Variants in LENG8 observed in about 807,000 individuals in gnomAD.
LENG8 encodes leukocyte receptor cluster member 8.
Under a neutral mutation model 102.1 loss-of-function variants are expected in LENG8, and 28 were observed. The ratio of observed to expected loss-of-function variants is 0.27; its 90% CI spans 0.20 to 0.38. The LOEUF is 0.38. LENG8 is among the 10% of genes least tolerant of loss of function. LENG8 has a pLI of 1.00. For synonymous variants in LENG8, 531 were observed against 456.7 expected (o/e 1.16, Z -2.07); for missense variants, 1,022 against 1,113.9 (o/e 0.92, Z 1.17).
chr19:54,459,045 T>C (rs996861491), intron 15 of LENG8: 19 of 1,432,390 alleles, frequency 1.3e-5, no homozygotes, highest in African/African-American at 5.7e-5. Context: ...GGTCAGGCCA[T>C]GCCCCTGCAG....
intron 15 of LENG8, 139 bp downstream of exon 15, chr19:54,458,660 C>G (rs765156730): frequency 1.1e-5 from 17 of 1,552,932 alleles, no homozygotes; most frequent in South Asian, 2.4e-5. Flanking sequence ...TCATCTTTCT[C>G]CATTCAGCCC....
At chr19:54,453,387 C>G (rs2084050308) in intron 4 of LENG8, among the ~76,000 whole-genome samples, 159 bp from the exon 5 acceptor site, 1 of 152,068 alleles carries the variant, frequency 6.6e-6, no homozygotes, top group Admixed American at 6.6e-5. Flanking sequence ...AGAGGTTTTT[C>G]TTTTCCTAAT....
chr19:54,458,743 A>C, intron 15 of LENG8: 1 of 1,550,188 alleles, frequency 6.5e-7, no homozygotes, highest in Non-Finnish European at 8.7e-7. Flanking sequence ...CCCTCTCCCC[A>C]CTGTTCCCAG....
At chr19:54,460,106 TC>T in intron 15 of LENG8, 1 of 1,289,802 alleles carries the variant, frequency 7.8e-7, no homozygotes, top group Non-Finnish European at 1.0e-6. Context: ...TGGGCTCTGA[TC>T]CCAGGGCTTC....
intron 7 of LENG8, 99 bp downstream of exon 7, chr19:54,455,191 G>A (rs1032089273): frequency 6.4e-6 from 10 of 1,558,548 alleles, no homozygotes; most frequent in African/African-American, 5.4e-5. Context: ...GCCTCAGTGT[G>A]CGCCTCTGAA....
rs1433121990 is a variant in LENG8 at position 54,449,209 on chromosome 19, AAAG to A, written c.-152_-150del. The A allele has an allele frequency of 2.6e-5, 4 of 152,426 alleles. No individual in the cohort carries two copies. The highest frequency in any genetic ancestry group is 5.9e-5 in the Non-Finnish European group (4 of 68,210). 9.4% of individuals were successfully genotyped at this position (152,426 alleles called of 1,614,324 possible). A position where few individuals can be genotyped will look rare whatever the true frequency, so the allele number is the denominator to read the frequency against. On this transcript the variant is annotated 5_prime_UTR_variant, in exon 1 of 16. Transcript: ENST00000326764. ...ACGCCGCGGTCAGGACGTCGAAGCC[AAAG>A]AAGACCAGAGCCAGCCGGGTGGCAC... is the stretch of plus-strand genomic sequence containing the variant.
chr19:54,460,870 G>C lies in LENG8; in HGVS notation c.2345G>C (p.Gly782Ala). 6.4e-7 allele frequency: 1 copy of C among 1,562,374 alleles called. No individual in the cohort carries two copies. The change falls in exon 16 of 16, where the codon GGC becomes GCC. Residue 782 changes from glycine to alanine, a missense_variant. Gly to Ala is a moderately conservative substitution (Grantham distance 60). Transcript: ENST00000326764. ...GAGCCCCTGGGCCTGGCCTACACGG[G>C]CCCGGACAACTCCAGCATCGACTGC... ...FLEPLGLAYT[G>A]PDNSSIDCRL...
rs1409654462 is a variant in LENG8 at position 54,461,112 on chromosome 19, A to T, written c.*184A>T. The T allele has an allele frequency of 1.1e-5, 10 of 946,254 alleles. No individual in the cohort carries two copies. The highest frequency in any genetic ancestry group is 1.6e-5 in the Non-Finnish European group (10 of 619,866). 58.6% of individuals were successfully genotyped at this position (946,254 alleles called of 1,614,324 possible). On this transcript the variant is annotated 3_prime_UTR_variant, in exon 16 of 16. Transcript: ENST00000326764. ...TGTACAGAGATTTTTCTACGTTTTT[A>T]TTTTTTGCCTCAGAGGGATGGGATT...
intron 12 of LENG8, 39 bp downstream of exon 12, chr19:54,457,887 C>A (rs1599997935): frequency 6.2e-7 from 1 of 1,613,498 alleles, no homozygotes; most frequent in East Asian, 2.2e-5. Context: ...CTCAGCCAGT[C>A]CTGCCTCCCG....
rs1434562265 is a variant in LENG8 at position 54,454,431 on chromosome 19, C to A, written c.428C>A (p.Pro143His). 1 of 1,603,306 alleles carries A rather than the reference C, an allele frequency of 6.2e-7. No individual in the cohort carries two copies. The highest frequency in any genetic ancestry group is 8.5e-7 in the Non-Finnish European group (1 of 1,174,116). The change falls in exon 6 of 16, where the codon CCC becomes CAC. Residue 143 changes from proline to histidine, a missense_variant and splice_region_variant. Coordinates refer to ENST00000326764, the MANE Select transcript of LENG8 (RefSeq NM_052925.4). ...CTCAGCGCCTGCTTCCTTCTGCAGC[C>A]CCCAGTCCCCGGCATGGATGAGAGC... Reference protein sequence around the residue: ...APQHQGTLNQPPVPGMDESMS... With the variant: ...APQHQGTLNQHPVPGMDESMS...
In LENG8 at chr19:54,461,745, T is replaced by C; in HGVS notation, c.*817T>C. 1.9e-6 allele frequency: 1 copy of C among 530,652 alleles called. No individual in the cohort carries two copies. Among genetic ancestry groups the C allele is most frequent in the Non-Finnish European group, 3.7e-6 (1 of 266,708 alleles). The allele number at this position is 530,652 out of a possible 1,614,324, so 32.9% of individuals were successfully genotyped here. On this transcript the variant is annotated 3_prime_UTR_variant, in exon 16 of 16. Coordinates refer to ENST00000326764, the MANE Select transcript of LENG8 (RefSeq NM_052925.4). The stretch of plus-strand genomic sequence containing the variant: ...GCTCACGTCATGTTGCCTTCTCTTT[T>C]CTTTGTGTGTGTGTTTATTTAAGTT...
At position 54,455,566 on chromosome 19, in the gene LENG8, G is replaced by A. The variant is rs1353294184; in HGVS notation, c.1024G>A (p.Gly342Arg). ...TGACTGGAGCCGGGAGCCCTTGCCG[G>A]GGTTAGTCTGGGTGGGGGACATAGG... The part of the protein sequence containing the change: ...TIDWSREPLP[G>R]LTREPVAESP... The change falls in exon 8 of 16, where the codon GGG (glycine) becomes AGG (arginine). Residue 342 changes from glycine to arginine, a missense_variant and splice_region_variant. Around this residue, in one of 7 missense-constraint regions of LENG8, gnomAD observed 326 missense variants for 324.5 expected, o/e 1.00. Coordinates refer to ENST00000326764, the MANE Select transcript of LENG8 (RefSeq NM_052925.4). The A allele has an allele frequency of 6.2e-7, 1 of 1,606,068 alleles. No individual in the cohort carries two copies. The highest frequency in any genetic ancestry group is 1.7e-5 in the Admixed American group (1 of 59,452).
In LENG8 at chr19:54,455,973, C is replaced by T. The variant is rs756491625; in HGVS notation, c.1032C>T (p.Thr344=). 8.1e-6 allele frequency: 13 copies of T among 1,611,926 alleles called. No individual in the cohort carries two copies. Among genetic ancestry groups the T allele is most frequent in the East Asian group, 4.5e-5 (2 of 44,842 alleles). The part of the protein sequence containing the change: ...DWSREPLPGL[T]REPVAESPKK... ...TGCCCTGCTGTATTCTCAGGCTGAC[C>T]CGGGAGCCTGTGGCTGAGAGCCCTA... The change falls in exon 9 of 16, where the codon ACC becomes ACT. Residue 344 remains threonine (T), a synonymous_variant. Coordinates refer to ENST00000326764, the MANE Select transcript of LENG8 (RefSeq NM_052925.4).
In LENG8 at chr19:54,461,010, G is replaced by C. The variant is rs2084520442; in HGVS notation, c.*82G>C. The C allele has an allele frequency of 2.0e-6, 3 of 1,530,244 alleles. No individual in the cohort carries two copies. Among genetic ancestry groups the C allele is most frequent in the East Asian group, 2.4e-5 (1 of 40,840 alleles). The allele number at this position is 1,530,244 out of a possible 1,614,324, so 94.8% of individuals were successfully genotyped here. On this transcript the variant is annotated 3_prime_UTR_variant, in exon 16 of 16. Coordinates refer to ENST00000326764, the MANE Select transcript of LENG8 (RefSeq NM_052925.4). ...GATTCTGTTTTTGAGCCGTGGACTT[G>C]GGTTGTAAATTTATTTGTGGGGAGT...
chr19:54,454,181 G>A (rs1599966487), intron 5 of LENG8, among the ~76,000 whole-genome samples: 1 of 152,126 alleles, frequency 6.6e-6, no homozygotes, highest in African/African-American at 2.4e-5. Context: ...GCCAGCTGCC[G>A]CTTCATAGCT....
chr19:54,460,684 A>G, intron 15 of LENG8, 82 bp from the exon 16 acceptor site: 3 of 1,448,280 alleles, frequency 2.1e-6, no homozygotes, highest in Non-Finnish European at 1.8e-6. Flanking sequence ...GGGCACCCGA[A>G]TGGGGGGGCC....
chr19:54,452,591 TG>T, intron 3 of LENG8, 59 bp from the exon 4 acceptor site: 3 of 1,376,850 alleles, frequency 2.2e-6, no homozygotes, highest in South Asian at 1.2e-5. Flanking sequence ...GCTTGCCCTT[TG>T]GGGGCCGTGT....
Position 54,452,588 on chromosome 19 carries a change from C to G in LENG8, c.214-63C>G, listed in dbSNP as rs997806646. The G allele has an allele frequency of 2.9e-6, 4 of 1,363,798 alleles. No individual in the cohort carries two copies. The African/African-American group carries it at 5.7e-5, about 20-fold the overall frequency. 84.5% of individuals were successfully genotyped at this position (1,363,798 alleles called of 1,614,324 possible). A position where few individuals can be genotyped will look rare whatever the true frequency, so the allele number is the denominator to read the frequency against. On this transcript the variant is annotated intron_variant, in intron 3 of 15. Transcript: ENST00000326764. ...TTGGCCACCAGTAAACAGGCTTGCC[C>G]TTTGGGGGCCGTGTGCCTGTGGATT...
chr19:54,450,351 C>T (rs2083900334), intron 1 of LENG8, among the ~76,000 whole-genome samples: 1 of 152,164 alleles, frequency 6.6e-6, no homozygotes, highest in African/African-American at 2.4e-5. Context: ...CATTTCTTCA[C>T]GTTGGGGTTC....
Sources: gnomAD v4.1 joint callset for allele counts (sites outside exome capture counted in the v4.1 genomes callset) on GRCh38, gnomAD v4.1.1 for gene constraint, gnomAD v4.1.1 regional missense constraint, MANE v1.5 for transcripts, NCBI Gene and HGNC (gene_info 2026-07-23, HGNC 2026-07-21) for gene names.